The following VPS13B variants were observed in gnomAD, a reference collection of about 807,000 sequenced individuals.
The protein encoded by VPS13B is vacuolar protein sorting 13 homolog B.
Under a neutral mutation model 426.4 loss-of-function variants are expected in VPS13B, and 285 were observed. The observed-to-expected ratio is 0.67, with a 90% CI of 0.61 to 0.74. The LOEUF (loss-of-function observed/expected upper bound fraction) is 0.74, where lower values mean the gene tolerates loss of function less well. Ranked by LOEUF, VPS13B falls within the 30% of genes least tolerant of loss-of-function variation. The probability of loss-of-function intolerance (pLI) is 0.00; values close to 1 mark genes in which losing one functional copy is unlikely to be tolerated. For missense variants in VPS13B, 4,537 were observed against 4,782.6 expected (o/e 0.95, Z 1.51); for synonymous variants, 1,676 against 1,676.4 (o/e 1.00, Z 0.01).
At chr8:99,607,392 T>A (rs879925494) in intron 33 of VPS13B, among the ~76,000 whole-genome samples, 3 of 152,200 alleles carry the variant, frequency 2.0e-5, no homozygotes, top group Non-Finnish European at 4.4e-5. Flanking sequence ...AAAACTTTAG[T>A]CTCTTAACTC....
intron 55 of VPS13B, among the ~76,000 whole-genome samples, chr8:99,851,950 G>C (rs1816315959): frequency 6.6e-6 from 1 of 151,672 alleles, no homozygotes; most frequent in South Asian, 2.1e-4. Flanking sequence ...AGACTAGTTA[G>C]GAGAGGATTA....
rs533230462 is a variant in VPS13B, at chr8:99,752,396, C to T, written c.7051-14378C>T. Among the ~76,000 whole-genome samples the T allele has an allele frequency of 6.8e-4, 104 of 152,266 alleles. 1 individual carries two copies. In the South Asian group the frequency reaches 0.022, roughly 32 times the overall value. Reference sequence around the variant, plus strand: ...CAGCCTGTGGGCCAAATCTAGCCCACCACCTGTTTTTGTAAATAAAATTTT... The same window carrying T: ...CAGCCTGTGGGCCAAATCTAGCCCATCACCTGTTTTTGTAAATAAAATTTT... On this transcript the variant is annotated intron_variant, in intron 39 of 61. Transcript: ENST00000357162.
At chr8:99,587,035 A>G (rs1343177319) in intron 33 of VPS13B, among the ~76,000 whole-genome samples, 1 of 151,826 alleles carries the variant, frequency 6.6e-6, no homozygotes, top group Non-Finnish European at 1.5e-5. Flanking sequence ...AAGTGTTCTC[A>G]TTGTTCAGTT....
At position 99,555,089 on chromosome 8, in the gene VPS13B, G is replaced by A. The variant is rs116992102; in HGVS notation, c.4746-1361G>A. 8.9e-3 allele frequency among the ~76,000 whole-genome samples: 1,347 copies of A among 152,078 alleles called. 7 individuals are homozygous for A. Among genetic ancestry groups the A allele is most frequent in the Non-Finnish European group, 0.014 (955 of 67,984 alleles). On this transcript the variant is annotated intron_variant, in intron 30 of 61. Coordinates refer to ENST00000357162, the MANE Select transcript of VPS13B (RefSeq NM_152564.5). ...TTTTCCCGTGTTCATAACTCTTTCT[G>A]ACATCTCACTAGCTGAGCCACTTGC...
intron 19 of VPS13B, among the ~76,000 whole-genome samples, chr8:99,361,823 A>G (rs1320217547): frequency 6.6e-6 from 1 of 152,180 alleles, no homozygotes; most frequent in Non-Finnish European, 1.5e-5. Flanking sequence ...TGATTATGAT[A>G]ATAATGATGG....
At chr8:99,180,686 G>A (rs1812900986) in intron 16 of VPS13B, among the ~76,000 whole-genome samples, 3 of 152,114 alleles carry the variant, frequency 2.0e-5, no homozygotes, top group Admixed American at 2.0e-4. Flanking sequence ...AGCTGGTGCA[G>A]GTCTCAAGGT....
At chr8:99,834,639 C>T (rs1815279949) in intron 52 of VPS13B, among the ~76,000 whole-genome samples, 1 of 152,114 alleles carries the variant, frequency 6.6e-6, no homozygotes, top group African/African-American at 2.4e-5. Flanking sequence ...CAGGCTTAAG[C>T]CAACCTCCCA....
At chr8:99,493,024 C>A (rs1176385576) in intron 25 of VPS13B, among the ~76,000 whole-genome samples, 2 of 152,136 alleles carry the variant, frequency 1.3e-5, no homozygotes, top group African/African-American at 4.8e-5. Flanking sequence ...TTATTATATA[C>A]GTAATTTATC....
chr8:99,029,015 C>A (rs1412805322), intron 2 of VPS13B, among the ~76,000 whole-genome samples: 1 of 150,964 alleles, frequency 6.6e-6, no homozygotes, highest in African/African-American at 2.4e-5. Flanking sequence ...CTCCTCACTT[C>A]TCAGACGGGG....
At chr8:99,242,343 A>G (rs2132890481) in intron 17 of VPS13B, among the ~76,000 whole-genome samples, 1 of 152,336 alleles carries the variant, frequency 6.6e-6, no homozygotes, top group South Asian at 2.1e-4. Flanking sequence ...TTTCAAAAAT[A>G]TTGACTTTTA....
intron 33 of VPS13B, among the ~76,000 whole-genome samples, chr8:99,593,571 G>A (rs1232726956): frequency 6.6e-6 from 1 of 152,026 alleles, no homozygotes; most frequent in African/African-American, 2.4e-5. Context: ...ATACCCAAAG[G>A]AATATAAATC....
chr8:99,803,205 C>A (rs1170700012), intron 43 of VPS13B, among the ~76,000 whole-genome samples: 2 of 152,034 alleles, frequency 1.3e-5, no homozygotes, highest in African/African-American at 4.8e-5. Flanking sequence ...ATAAGGATTA[C>A]CTTTCAGCCA....
intron 2 of VPS13B, among the ~76,000 whole-genome samples, chr8:99,020,518 A>G (rs1029920326): frequency 7.9e-5 from 12 of 152,102 alleles, no homozygotes; most frequent in Middle Eastern, 3.2e-3. Context: ...TCTCTCATTC[A>G]TTGTCTGGAT....
Position 99,511,032 on chromosome 8 carries a change from T to C in VPS13B, c.4225-72T>C, listed in dbSNP as rs1442297722. 5 of 1,558,472 alleles carry C rather than the reference T, an allele frequency of 3.2e-6. No individual in the cohort carries two copies. In the African/African-American group the frequency reaches 6.8e-5, roughly 21 times the overall value. On this transcript the variant is annotated intron_variant, in intron 28 of 61. Transcript: ENST00000357162. ...AGGTAAAAATACTCACTGAGGTCAT[T>C]TTCTTCTTTCCAATTTTTAAAAAAA...
intron 33 of VPS13B, among the ~76,000 whole-genome samples, chr8:99,629,983 A>G (rs1828774221): frequency 6.6e-6 from 1 of 152,154 alleles, no homozygotes. Flanking sequence ...AGAGTTCTCC[A>G]TTGTGCATAG....
chr8:99,835,388 T>A, intron 53 of VPS13B, 64 bp downstream of exon 53: 1 of 1,557,992 alleles, frequency 6.4e-7, no homozygotes, highest in Non-Finnish European at 8.8e-7. Flanking sequence ...ATTTTTTGAT[T>A]TAGTAGTTAC....
intron 2 of VPS13B, 129 bp downstream of exon 2, chr8:99,014,064 TG>T: frequency 9.8e-7 from 1 of 1,024,980 alleles, no homozygotes; most frequent in Non-Finnish European, 1.4e-6. Context: ...TGAGCTACCC[TG>T]AAACAAGGGG....
intron 34 of VPS13B, among the ~76,000 whole-genome samples, chr8:99,647,676 AATTT>A (rs1829644559): frequency 6.6e-6 from 1 of 152,112 alleles, no homozygotes; most frequent in Non-Finnish European, 1.5e-5. Flanking sequence ...TTTAACTAAT[AATTT>A]ATTTATCTCA....
chr8:99,657,021 G>A (rs1830043394), intron 34 of VPS13B, among the ~76,000 whole-genome samples: 1 of 152,044 alleles, frequency 6.6e-6, no homozygotes, highest in South Asian at 2.1e-4. Flanking sequence ...ATATTTTGTT[G>A]GGAAATAGTC....
Sources: gnomAD v4.1 joint callset for allele counts (sites outside exome capture counted in the v4.1 genomes callset) on GRCh38, gnomAD v4.1.1 for gene constraint, MANE v1.5 for transcripts, NCBI Gene and HGNC (gene_info 2026-07-23, HGNC 2026-07-21) for gene names.